ELMO1: variants seen among roughly 807,000 people sequenced by gnomAD.
The protein encoded by ELMO1 is engulfment and cell motility 1, also known as engulfment and cell motility protein 1.
In ELMO1, 26 loss-of-function variants were observed where a neutral mutation model predicts 98.9. That is an observed-to-expected ratio of 0.26 (90% CI 0.19 to 0.36). The LOEUF (loss-of-function observed/expected upper bound fraction) is 0.36, where lower values mean the gene tolerates loss of function less well. Among genes scored for constraint, ELMO1 ranks in the 10% least tolerant of loss-of-function variants. ELMO1 has a pLI of 1.00. For synonymous variants in ELMO1, 346 were observed against 346.0 expected (o/e 1.00, Z 0.00); for missense variants, 627 against 935.2 (o/e 0.67, Z 4.30).
chr7:37,401,581 A>G (rs1047274685), intron 1 of ELMO1, among the ~76,000 whole-genome samples: 3 of 152,182 alleles, frequency 2.0e-5, no homozygotes, highest in Non-Finnish European at 4.4e-5. Flanking sequence ...ACTTATAATC[A>G]TGGCAGAAGG....
At chr7:37,037,661 A>G (rs35257557) in intron 15 of ELMO1, among the ~76,000 whole-genome samples, 19,418 of 152,124 alleles carry the variant, frequency 0.13, 1,616 homozygotes, top group African/African-American at 0.25. Context: ...GCTAGTATCA[A>G]GTGAGCTGGG....
intron 16 of ELMO1, among the ~76,000 whole-genome samples, chr7:36,991,027 A>G (rs1332973217): frequency 2.0e-5 from 3 of 152,166 alleles, no homozygotes; most frequent in Admixed American, 6.5e-5. Flanking sequence ...TCCACTGAGT[A>G]TCCATTTCAT....
chr7:37,221,407 A>G (rs976129498), intron 10 of ELMO1, among the ~76,000 whole-genome samples: 6 of 152,238 alleles, frequency 3.9e-5, no homozygotes, highest in Admixed American at 6.5e-5. Flanking sequence ...GGCAACTGCC[A>G]TCAAGCTCCC....
intron 16 of ELMO1, among the ~76,000 whole-genome samples, chr7:36,913,984 A>G (rs1318524402): frequency 6.6e-6 from 1 of 152,240 alleles, no homozygotes; most frequent in Non-Finnish European, 1.5e-5. Context: ...AAATTGTGCC[A>G]TATTTTGTGA....
chr7:37,218,420 A>T (rs770998334), intron 10 of ELMO1, among the ~76,000 whole-genome samples: 8 of 152,158 alleles, frequency 5.3e-5, no homozygotes, highest in Non-Finnish European at 1.2e-4. Context: ...CACCGAGAAG[A>T]CAATAAATGT....
At chr7:37,040,911 T>C (rs993873525) in intron 15 of ELMO1, among the ~76,000 whole-genome samples, 1 of 151,876 alleles carries the variant, frequency 6.6e-6, no homozygotes, top group Non-Finnish European at 1.5e-5. Flanking sequence ...ACCCCGTCTC[T>C]ACTAAAAATA....
chr7:37,276,527 C>T (rs1307555514), intron 4 of ELMO1, among the ~76,000 whole-genome samples: 1 of 152,122 alleles, frequency 6.6e-6, no homozygotes, highest in African/African-American at 2.4e-5. Context: ...AGGAGAATGG[C>T]GTGAACCCGG....
intron 1 of ELMO1, among the ~76,000 whole-genome samples, chr7:37,442,822 A>C (rs1541727): frequency 0.36 from 54,115 of 152,108 alleles, 9,756 homozygotes; most frequent in Admixed American, 0.43. Flanking sequence ...GCATAGCTCC[A>C]CATGGCATCC....
intron 6 of ELMO1, among the ~76,000 whole-genome samples, chr7:37,247,825 G>C (rs1795093099): frequency 6.6e-6 from 1 of 151,690 alleles, no homozygotes; most frequent in Non-Finnish European, 1.5e-5. Flanking sequence ...GGGGTCTCTG[G>C]GAAAAGAGCA....
chr7:36,921,502 C>T (rs1405898604), intron 16 of ELMO1, among the ~76,000 whole-genome samples: 1 of 152,180 alleles, frequency 6.6e-6, no homozygotes, highest in Non-Finnish European at 1.5e-5. Context: ...AATGACAACT[C>T]TTATTATGTT....
intron 16 of ELMO1, among the ~76,000 whole-genome samples, chr7:36,942,555 G>A (rs917345671): frequency 5.3e-5 from 8 of 152,246 alleles, no homozygotes; most frequent in African/African-American, 1.9e-4. Flanking sequence ...GGAGGGAAAT[G>A]AAGAGGACGT....
At position 37,376,855 on chromosome 7, in the gene ELMO1, T is replaced by C. The variant is rs553663316; in HGVS notation, c.-73-34092A>G. Among the ~76,000 whole-genome samples the C allele has an allele frequency of 2.0e-5, 3 of 152,342 alleles. No homozygotes were observed. The East Asian group carries it at 5.8e-4, about 29-fold the overall frequency. On this transcript the variant is annotated intron_variant, in intron 1 of 21. Transcript: ENST00000310758. ...TGTGTAGCAGGCAAGAAGAACCCAC[T>C]GGAGTGTAACATTTTCATTTATCAG...
chr7:36,973,585 A>G (rs1391973815), intron 16 of ELMO1, among the ~76,000 whole-genome samples: 1 of 151,982 alleles, frequency 6.6e-6, no homozygotes, highest in Non-Finnish European at 1.5e-5. Context: ...GCGTGCTGGC[A>G]GTCCTCACAG....
At chr7:37,190,172 G>A (rs983257827) in intron 13 of ELMO1, among the ~76,000 whole-genome samples, 5 of 152,156 alleles carry the variant, frequency 3.3e-5, no homozygotes, top group African/African-American at 1.2e-4. Flanking sequence ...AAAAGTTTAG[G>A]AAGACATAAA....
At chr7:37,103,576 T>C (rs1584647751) in intron 14 of ELMO1, among the ~76,000 whole-genome samples, 1 of 151,772 alleles carries the variant, frequency 6.6e-6, no homozygotes, top group African/African-American at 2.4e-5. Context: ...GGTTATCTAA[T>C]GTTAAATGAC....
intron 13 of ELMO1, 35 bp downstream of exon 13, chr7:37,211,351 G>A (rs1359092607): frequency 2.5e-6 from 4 of 1,613,468 alleles, no homozygotes; most frequent in Non-Finnish European, 3.4e-6. Flanking sequence ...CGGGGAGGCT[G>A]GAGGGAGAGC....
chr7:36,953,857 G>T (rs1338559884), intron 16 of ELMO1, among the ~76,000 whole-genome samples: 3 of 47,592 alleles, frequency 6.3e-5, no homozygotes, highest in African/African-American at 1.5e-4. Flanking sequence ...GTGTGTGTGT[G>T]TGTGTGTGTG....
At chr7:36,975,054 C>T (rs764016544) in intron 16 of ELMO1, among the ~76,000 whole-genome samples, 4 of 152,228 alleles carry the variant, frequency 2.6e-5, no homozygotes, top group Admixed American at 1.3e-4. Context: ...CGAAGGTCCA[C>T]GGCTTCATTC....
At chr7:37,217,383 A>G (rs1793347544) in intron 10 of ELMO1, among the ~76,000 whole-genome samples, 1 of 152,190 alleles carries the variant, frequency 6.6e-6, no homozygotes, top group Admixed American at 6.5e-5. Flanking sequence ...CTAAGGGAAA[A>G]TAGTATATCA....
Sources: gnomAD v4.1 joint callset for allele counts (sites outside exome capture counted in the v4.1 genomes callset) on GRCh38, gnomAD v4.1.1 for gene constraint, MANE v1.5 for transcripts, NCBI Gene and HGNC (gene_info 2026-07-23, HGNC 2026-07-21) for gene names.